RTN4: variants seen among roughly 807,000 people sequenced by gnomAD.
RTN4 encodes reticulon 4, also known as reticulon-4.
RTN4 carries 32 observed loss-of-function variants against 90.4 expected under a neutral mutation model. The ratio of observed to expected loss-of-function variants is 0.35; its 90% CI spans 0.27 to 0.48. RTN4 has a LOEUF of 0.48. Ranked by LOEUF, RTN4 falls within the 20% of genes least tolerant of loss-of-function variation. RTN4 has a pLI of 0.99. For missense variants in RTN4, 1,706 were observed against 1,430.2 expected, an observed-to-expected ratio of 1.19 and a Z score of -3.11; for synonymous variants, 629 against 552.5, an observed-to-expected ratio of 1.14 and a Z score of -1.94.
intron 3 of RTN4, among the ~76,000 whole-genome samples, chr2:55,013,314 C>T (rs1328076156): frequency 6.6e-6 from 1 of 152,072 alleles, no homozygotes; most frequent in East Asian, 1.9e-4. Flanking sequence ...CCTCAATGTC[C>T]ATGTCCCCAG....
intron 2 of RTN4, among the ~76,000 whole-genome samples, chr2:55,063,341 G>C (rs1018033983): frequency 6.6e-6 from 1 of 152,148 alleles, no homozygotes; most frequent in African/African-American, 2.4e-5. Flanking sequence ...ATTGTGTGAG[G>C]TGGTAGGGAG....
chr2:55,120,454 C>T, the RTN4 span, among the ~76,000 whole-genome samples: 2 of 152,160 alleles, frequency 1.3e-5, no homozygotes, highest in African/African-American at 4.8e-5. Context: ...GGCCCTTCCT[C>T]CAAGCTGGGG....
At chr2:55,131,204 T>C in the RTN4 span, among the ~76,000 whole-genome samples, 57 of 142,038 alleles carry the variant, frequency 4.0e-4, 1 homozygote, top group South Asian at 0.011. Context: ...ACAAGTTTTG[T>C]TTGTTTTTTG....
intron 3 of RTN4, among the ~76,000 whole-genome samples, chr2:54,988,504 A>G (rs919362175): frequency 6.6e-6 from 1 of 152,246 alleles, no homozygotes; most frequent in African/African-American, 2.4e-5. Flanking sequence ...TACACATATG[A>G]ATGAGCTTTT....
At chr2:55,024,910 G>A (rs1024671410) in intron 3 of RTN4, among the ~76,000 whole-genome samples, 176 bp downstream of exon 3, 7 of 152,154 alleles carry the variant, frequency 4.6e-5, no homozygotes, top group African/African-American at 1.7e-4. Flanking sequence ...GGTGAATGCT[G>A]AGTGCAAGAG....
intron 3 of RTN4, among the ~76,000 whole-genome samples, chr2:55,019,549 T>C (rs1396310249): frequency 1.3e-5 from 2 of 152,116 alleles, no homozygotes; most frequent in Non-Finnish European, 2.9e-5. Context: ...CACATCATCA[T>C]CTATACAGTA....
intron 1 of RTN4, among the ~76,000 whole-genome samples, chr2:55,037,723 C>A (rs2968786): frequency 7.2e-5 from 11 of 151,932 alleles, no homozygotes; most frequent in Non-Finnish European, 1.5e-4. Context: ...TCACTTATCC[C>A]CCCTACTAAT....
At chr2:55,107,662 T>C (rs1041145668) in intron 1 of RTN4, among the ~76,000 whole-genome samples, 1 of 152,036 alleles carries the variant, frequency 6.6e-6, no homozygotes, top group Non-Finnish European at 1.5e-5. Flanking sequence ...TGAGCAGAGA[T>C]GGTAGTCAGG....
chr2:54,974,445 A>G (rs531006154), intron 6 of RTN4, among the ~76,000 whole-genome samples: 3 of 152,144 alleles, frequency 2.0e-5, no homozygotes, highest in South Asian at 2.1e-4. Flanking sequence ...ACGCCCAGCT[A>G]ATTTTTTCTA....
At chr2:54,992,166 A>G (rs1249558001) in intron 3 of RTN4, among the ~76,000 whole-genome samples, 8 of 152,192 alleles carry the variant, frequency 5.3e-5, no homozygotes, top group African/African-American at 1.9e-4. Context: ...TCTTAAACAA[A>G]CAAACAAACC....
In RTN4 at chr2:55,027,047, G is replaced by C. The variant is rs753077532; in HGVS notation, c.1052C>G (p.Thr351Ser). 6.2e-7 allele frequency: 1 copy of C among 1,613,412 alleles called. No individual in the cohort carries two copies. Among genetic ancestry groups the C allele is most frequent in the Admixed American group, 1.7e-5 (1 of 59,912 alleles). ...AACTTCATCCTCTTTAACCAATTTA[G>C]TAAGAGCTGTAGGTAACTCTTGTTG... Reference protein sequence around the residue: ...HNQQELPTALTKLVKEDEVVS... With the variant: ...HNQQELPTALSKLVKEDEVVS... The change falls in exon 3 of 9, where the codon ACT becomes AGT. Residue 351 changes from threonine (T) to serine (S), a missense_variant. By Grantham distance (58) the Thr-to-Ser change is moderately conservative. Coordinates refer to ENST00000337526, the MANE Select transcript of RTN4 (RefSeq NM_020532.5).
At chr2:55,007,455 C>T (rs757891168) in intron 3 of RTN4, among the ~76,000 whole-genome samples, 7 of 152,120 alleles carry the variant, frequency 4.6e-5, no homozygotes, top group Admixed American at 6.6e-5. Flanking sequence ...ATGTCTTCTG[C>T]GGTCTGGCCC....
chr2:55,061,344 G>T (rs1458470069), intron 2 of RTN4, among the ~76,000 whole-genome samples: 3 of 152,144 alleles, frequency 2.0e-5, no homozygotes, highest in African/African-American at 7.2e-5. Flanking sequence ...GATTACAGAC[G>T]TGAGCCACCA....
At chr2:55,103,108 G>A (rs532494976) in intron 1 of RTN4, among the ~76,000 whole-genome samples, 9 of 101,572 alleles carry the variant, frequency 8.9e-5, no homozygotes, top group East Asian at 4.8e-4. Context: ...GCAAAACTCC[G>A]GAAAAAAAAA....
At chr2:55,055,765 G>A (rs190646077), upstream of RTN4, among the ~76,000 whole-genome samples, 40 of 145,742 alleles carry the variant, frequency 2.7e-4, no homozygotes, top group African/African-American at 8.2e-4. Context: ...GCGAGACTCC[G>A]TCTCAAAAAA....
At chr2:55,134,809 GA>G in the RTN4 span, among the ~76,000 whole-genome samples, 1 of 152,108 alleles carries the variant, frequency 6.6e-6, no homozygotes, top group African/African-American at 2.4e-5. Context: ...AAGTAAATGC[GA>G]GGAGTTACTT....
At chr2:55,075,974 A>T (rs1370113768) in intron 2 of RTN4, among the ~76,000 whole-genome samples, 5 of 152,246 alleles carry the variant, frequency 3.3e-5, no homozygotes, top group African/African-American at 1.2e-4. Flanking sequence ...TTGAAACCAC[A>T]AAAATTATAG....
chr2:55,045,866 T>C (rs961515213), intron 1 of RTN4, among the ~76,000 whole-genome samples: 6 of 152,194 alleles, frequency 3.9e-5, no homozygotes, highest in African/African-American at 1.2e-4. Context: ...TAATTATGTT[T>C]GCACTGCTCT....
intron 3 of RTN4, among the ~76,000 whole-genome samples, chr2:54,990,442 A>G (rs1343975931): frequency 1.3e-5 from 2 of 152,232 alleles, no homozygotes; most frequent in African/African-American, 4.8e-5. Flanking sequence ...GTGATTCACT[A>G]GATTTTTCAT....
Sources: gnomAD v4.1 joint callset for allele counts (sites outside exome capture counted in the v4.1 genomes callset) on GRCh38, gnomAD v4.1.1 for gene constraint, MANE v1.5 for transcripts, NCBI Gene and HGNC (gene_info 2026-07-23, HGNC 2026-07-21) for gene names.